TENM2: variants seen among roughly 807,000 people sequenced by gnomAD.
The protein encoded by TENM2 is teneurin transmembrane protein 2, also known as teneurin-2.
TENM2 carries 52 observed loss-of-function variants against 245.2 expected under a neutral mutation model. The observed-to-expected ratio is 0.21, with a 90% CI of 0.17 to 0.27. TENM2 has a LOEUF of 0.27. TENM2 is among the 10% of genes least tolerant of loss of function. The probability of loss-of-function intolerance (pLI) is 1.00; values close to 1 mark genes in which losing one functional copy is unlikely to be tolerated. For missense variants in TENM2, 3,046 were observed against 3,666.8 expected, an observed-to-expected ratio of 0.83 and a Z score of 4.37; for synonymous variants, 1,363 against 1,438.9, an observed-to-expected ratio of 0.95 and a Z score of 1.19.
the TENM2 span, among the ~76,000 whole-genome samples, chr5:167,105,020 A>G: frequency 1.3e-5 from 2 of 152,208 alleles, no homozygotes; most frequent in Non-Finnish European, 2.9e-5. Context: ...CACAAAGCAC[A>G]TTTTTGCTTT....
chr5:167,342,596 C>T (rs1443035385), intron 1 of TENM2, among the ~76,000 whole-genome samples: 3 of 132,576 alleles, frequency 2.3e-5, no homozygotes, highest in East Asian at 2.5e-4. Flanking sequence ...GGCGCAATCT[C>T]GGCTCACTGC....
intron 14 of TENM2, among the ~76,000 whole-genome samples, chr5:168,192,142 G>T (rs565373121): frequency 1.4e-4 from 22 of 152,114 alleles, no homozygotes; most frequent in Non-Finnish European, 3.1e-4. Context: ...ATTTAAATAC[G>T]TAAAAGTTGA....
chr5:167,598,735 T>A (rs1210223180), intron 2 of TENM2, among the ~76,000 whole-genome samples: 1 of 151,790 alleles, frequency 6.6e-6, no homozygotes, highest in Non-Finnish European at 1.5e-5. Flanking sequence ...GGTATGATGA[T>A]CAGAGTTTGT....
the TENM2 span, among the ~76,000 whole-genome samples, chr5:167,249,812 C>G: frequency 9.0e-6 from 1 of 110,636 alleles, no homozygotes; most frequent in South Asian, 3.5e-4. Context: ...TGTAAACATC[C>G]TCTCTAAATG....
intron 3 of TENM2, among the ~76,000 whole-genome samples, chr5:167,901,460 C>A (rs1775700097): frequency 6.6e-6 from 1 of 152,306 alleles, no homozygotes; most frequent in South Asian, 2.1e-4. Context: ...CATGAACCAG[C>A]ACGCAGTGAC....
chr5:167,916,074 G>A (rs1185651026), intron 3 of TENM2, among the ~76,000 whole-genome samples: 1 of 152,158 alleles, frequency 6.6e-6, no homozygotes, highest in African/African-American at 2.4e-5. Flanking sequence ...AACAGATATC[G>A]TGCACGTGCC....
chr5:167,114,526 A>G, the TENM2 span, among the ~76,000 whole-genome samples: 1 of 152,264 alleles, frequency 6.6e-6, no homozygotes, highest in East Asian at 1.9e-4. Context: ...ATTTATCTCT[A>G]CAAGAAGGAA....
intron 25 of TENM2, among the ~76,000 whole-genome samples, chr5:168,235,577 C>T (rs145459879): frequency 2.2e-3 from 337 of 152,286 alleles, no homozygotes; most frequent in Non-Finnish European, 4.1e-3. Flanking sequence ...GAGGCCCAGA[C>T]GGGTGGATGA....
At chr5:167,073,159 A>T in the TENM2 span, among the ~76,000 whole-genome samples, 1 of 152,154 alleles carries the variant, frequency 6.6e-6, no homozygotes. Context: ...CATTTTGAAG[A>T]TGTATGGTAT....
the TENM2 span, among the ~76,000 whole-genome samples, chr5:167,256,158 C>A: frequency 6.6e-6 from 1 of 152,106 alleles, no homozygotes; most frequent in Admixed American, 6.5e-5. Context: ...GGTATGTTTT[C>A]TGAAACTGGC....
the TENM2 span, among the ~76,000 whole-genome samples, chr5:167,053,556 A>G: frequency 6.6e-6 from 1 of 152,180 alleles, no homozygotes; most frequent in East Asian, 1.9e-4. Flanking sequence ...ATGTGTATCC[A>G]TGAACTTTTT....
the TENM2 span, among the ~76,000 whole-genome samples, chr5:167,176,472 A>G: frequency 1.3e-5 from 2 of 152,172 alleles, no homozygotes; most frequent in African/African-American, 2.4e-5. Flanking sequence ...TCAAATGCAT[A>G]TTATCTAGAG....
Position 168,244,493 on chromosome 5 carries a change from G to T in TENM2, c.5594G>T (p.Arg1865Leu). ...ACTGAAAAGATCTATGATGACCACC[G>T]GAAGTTCACCCTGAGGATCATTTAT... Residue 1865 changes from arginine (R) to leucine (L), a missense_variant, in exon 26 of 29, where the codon CGG (arginine) becomes CTG (leucine). Around this residue, in one of 2 missense-constraint regions of TENM2, gnomAD observed 2,704 missense variants for 3,331.9 expected, o/e 0.81. Coordinates refer to ENST00000518659, the Ensembl canonical transcript of TENM2. This position sits in a 1 kb window ranked among gnomAD's most constrained non-coding sequence, Gnocchi z 4.9. The T allele has an allele frequency of 6.2e-7, 1 of 1,608,648 alleles. No individual in the cohort carries two copies. The highest frequency in any genetic ancestry group is 8.5e-7 in the Non-Finnish European group (1 of 1,176,710).
At chr5:167,578,367 C>T (rs1774857126) in intron 2 of TENM2, among the ~76,000 whole-genome samples, 1 of 152,188 alleles carries the variant, frequency 6.6e-6, no homozygotes, top group African/African-American at 2.4e-5. Flanking sequence ...GCCTAGACTT[C>T]AGCAGTAAGG....
intron 7 of TENM2, chr5:168,085,183 A>G (rs914806914): frequency 1.3e-5 from 2 of 152,384 alleles, no homozygotes; most frequent in African/African-American, 2.4e-5. Flanking sequence ...AGCATTTGCT[A>G]TTATGCCTGG....
At chr5:167,863,081 T>C (rs918673465) in intron 2 of TENM2, among the ~76,000 whole-genome samples, 2 of 152,216 alleles carry the variant, frequency 1.3e-5, no homozygotes, top group Admixed American at 1.3e-4. Flanking sequence ...TTACTTACTG[T>C]ATAACCTTTG....
intron 2 of TENM2, among the ~76,000 whole-genome samples, chr5:167,394,568 G>T (rs1582486): frequency 0.58 from 87,947 of 151,312 alleles, 26,576 homozygotes; most frequent in African/African-American, 0.76. Flanking sequence ...ATAAATAAAT[G>T]TATGTATGTA....
Position 167,747,507 on chromosome 5 carries a change from G to T in TENM2, c.503-128479G>T, listed in dbSNP as rs141731103. Among the ~76,000 whole-genome samples the T allele has an allele frequency of 2.2e-3, 328 of 152,270 alleles. 1 individual carries two copies. Among genetic ancestry groups the T allele is most frequent in the Admixed American group, 2.9e-3 (45 of 15,294 alleles). On this transcript the variant is annotated intron_variant, in intron 2 of 28. Transcript: ENST00000518659. ...TATGTTCCCCTACAACTTTCTCAAA[G>T]ATATGCCTCTGGGTTGTAATACCTC...
At chr5:167,474,530 T>C (rs971079036) in intron 2 of TENM2, among the ~76,000 whole-genome samples, 28 of 151,970 alleles carry the variant, frequency 1.8e-4, no homozygotes, top group Non-Finnish European at 3.8e-4. Context: ...TTTTTTTTTT[T>C]TGAGACGGAG....
Sources: allele counts gnomAD v4.1 joint callset (sites outside exome capture counted in the v4.1 genomes callset), GRCh38; gene constraint gnomAD v4.1.1; regional missense constraint gnomAD v4.1.1; non-coding constraint Gnocchi (gnomAD v3.1); transcripts MANE v1.5; gene names NCBI Gene and HGNC (gene_info 2026-07-23, HGNC 2026-07-21).